FANCC: variants seen among roughly 807,000 people sequenced by gnomAD.
FANCC encodes the protein Fanconi anemia group C protein.
Under a neutral mutation model 71.3 loss-of-function variants are expected in FANCC, and 55 were observed. The observed-to-expected ratio is 0.77, with a 90% CI of 0.62 to 0.97. The LOEUF (loss-of-function observed/expected upper bound fraction) is 0.97, where lower values mean the gene tolerates loss of function less well. Among genes scored for constraint, FANCC ranks in the 50% least tolerant of loss-of-function variants. FANCC has a pLI of 0.00. For missense variants in FANCC, 678 were observed against 670.9 expected (o/e 1.01, Z -0.12); for synonymous variants, 275 against 244.9 (o/e 1.12, Z -1.15).
At chr9:95,232,644 C>G (rs1160251943) in intron 4 of FANCC, among the ~76,000 whole-genome samples, 3 of 152,104 alleles carry the variant, frequency 2.0e-5, no homozygotes, top group Non-Finnish European at 4.4e-5. Context: ...AATGTTATCT[C>G]AAAACACTCC....
In FANCC at chr9:95,125,197, A is replaced by G. The variant is rs987671985; in HGVS notation, c.897-12T>C. The stretch of plus-strand genomic sequence containing the variant: ...CCAGGAGTGCACACCTGAACAATGC[A>G]AAGTCAGATCAGAACACGTTTAACA... On this transcript the variant is annotated splice_polypyrimidine_tract_variant and intron_variant, in intron 9 of 14. Transcript: ENST00000289081. 6 of 1,607,010 alleles carry G rather than the reference A, an allele frequency of 3.7e-6. No homozygotes were observed. Among genetic ancestry groups the G allele is most frequent in the Non-Finnish European group, 4.3e-6 (5 of 1,173,574 alleles).
chr9:95,230,336 G>T (rs1033716811), intron 4 of FANCC, among the ~76,000 whole-genome samples: 10 of 152,170 alleles, frequency 6.6e-5, no homozygotes, highest in African/African-American at 2.4e-4. Flanking sequence ...GTTCCTTTCA[G>T]GGGTGAGATA....
chr9:95,188,700 CTT>C (rs1037174158), intron 4 of FANCC, among the ~76,000 whole-genome samples: 7 of 152,166 alleles, frequency 4.6e-5, no homozygotes, highest in East Asian at 1.9e-4. Context: ...TAACTTCTCT[CTT>C]TGTTTCCCAC....
intron 1 of FANCC, among the ~76,000 whole-genome samples, chr9:95,274,130 C>T (rs1342894759): frequency 6.6e-6 from 1 of 152,012 alleles, no homozygotes; most frequent in Non-Finnish European, 1.5e-5. Context: ...ACCGATCAAC[C>T]CGTCATCTAC....
chr9:95,234,893 G>A (rs1160093396), intron 4 of FANCC, among the ~76,000 whole-genome samples: 1 of 152,214 alleles, frequency 6.6e-6, no homozygotes, highest in African/African-American at 2.4e-5. Context: ...AAGCTTTCAG[G>A]CAGGAGGACT....
At chr9:95,124,165 G>A (rs1342271460) in intron 10 of FANCC, among the ~76,000 whole-genome samples, 1 of 146,448 alleles carries the variant, frequency 6.8e-6, no homozygotes, top group African/African-American at 2.5e-5. Context: ...AGATCTATTT[G>A]ACGTTGGCGG....
intron 4 of FANCC, among the ~76,000 whole-genome samples, chr9:95,174,841 G>A (rs760110456): frequency 6.6e-6 from 1 of 152,018 alleles, no homozygotes; most frequent in African/African-American, 2.4e-5. Flanking sequence ...GACCCGGGAC[G>A]ACAAGCACGT....
At chr9:95,298,971 G>T (rs1030330351) in intron 1 of FANCC, among the ~76,000 whole-genome samples, 5 of 152,146 alleles carry the variant, frequency 3.3e-5, no homozygotes, top group Non-Finnish European at 7.4e-5. Flanking sequence ...CTACTTTTTG[G>T]TTGCAGGCTT....
chr9:95,260,690 A>AT (rs1831985764), intron 1 of FANCC, among the ~76,000 whole-genome samples: 1 of 151,528 alleles, frequency 6.6e-6, no homozygotes, highest in African/African-American at 2.4e-5. Context: ...AAAATATAAA[A>AT]AAAAAAAAAA....
At chr9:95,177,953 G>A (rs1427998838) in intron 4 of FANCC, among the ~76,000 whole-genome samples, 1 of 152,174 alleles carries the variant, frequency 6.6e-6, no homozygotes, top group Non-Finnish European at 1.5e-5. Flanking sequence ...GGGGATCGGG[G>A]AGCCGTTCAG....
At chr9:95,138,015 A>G (rs79536586) in intron 7 of FANCC, among the ~76,000 whole-genome samples, 3,497 of 152,358 alleles carry the variant, frequency 0.023, 135 homozygotes, top group African/African-American at 0.08. Context: ...TGCTCCTGAA[A>G]GGCTGCCAAC....
intron 4 of FANCC, among the ~76,000 whole-genome samples, chr9:95,195,202 A>C (rs1010338121): frequency 6.8e-6 from 1 of 146,960 alleles, no homozygotes; most frequent in Non-Finnish European, 1.5e-5. Flanking sequence ...GTCTCAAAAA[A>C]AAAAAAAAAA....
At chr9:95,159,276 T>C (rs1167418428) in intron 6 of FANCC, among the ~76,000 whole-genome samples, 1 of 152,120 alleles carries the variant, frequency 6.6e-6, no homozygotes, top group Non-Finnish European at 1.5e-5. Context: ...AGTGAGAACA[T>C]GTGGTGTTTG....
In FANCC at chr9:95,125,083, A is replaced by C; in HGVS notation, c.996+3T>G. On this transcript the variant is annotated splice_donor_region_variant and intron_variant, in intron 10 of 14. Transcript: ENST00000289081. ...AATGAGTAATATATGTGATATAACA[A>C]ACCTGCTTGCTTGCTTTCTCCAGAG... is the stretch of plus-strand genomic sequence containing the variant. 6.2e-7 allele frequency: 1 copy of C among 1,613,448 alleles called. No individual in the cohort carries two copies. Among genetic ancestry groups the C allele is most frequent in the Non-Finnish European group, 8.5e-7 (1 of 1,179,354 alleles).
At chr9:95,246,302 C>T (rs749885441) in intron 3 of FANCC, among the ~76,000 whole-genome samples, 2 of 152,148 alleles carry the variant, frequency 1.3e-5, no homozygotes, top group East Asian at 1.9e-4. Flanking sequence ...AGTGTGTGGG[C>T]GTCCACGCAC....
In FANCC at chr9:95,135,356, T is replaced by A; in HGVS notation, c.833A>T (p.Asp278Val). Residue 278 changes from aspartate (D) to valine (V), a missense_variant, in exon 8 of 15, where the codon GAT (aspartate) becomes GTT (valine). Transcript: ENST00000289081. The stretch of plus-strand genomic sequence containing the variant: ...AAACCCAGTACGTACCAGCGATGAA[T>A]CTTTTATAAAGCATTCGATCCTTCT... Reference protein sequence around the residue: ...CLRRIECFIKDSSLPQAACHP... With the variant: ...CLRRIECFIKVSSLPQAACHP... The A allele has an allele frequency of 6.2e-7, 1 of 1,614,046 alleles. No individual in the cohort carries two copies. Among genetic ancestry groups the A allele is most frequent in the Non-Finnish European group, 8.5e-7 (1 of 1,179,998 alleles).
chr9:95,278,761 T>C (rs1008357541), intron 1 of FANCC, among the ~76,000 whole-genome samples: 2 of 152,166 alleles, frequency 1.3e-5, no homozygotes, highest in South Asian at 2.1e-4. Context: ...AAAAATCATA[T>C]GTATAGGAGT....
chr9:95,273,940 G>C (rs1832886825), intron 1 of FANCC, among the ~76,000 whole-genome samples: 1 of 152,152 alleles, frequency 6.6e-6, no homozygotes, highest in African/African-American at 2.4e-5. Flanking sequence ...TTTAGTTAAG[G>C]CTACCCAGAA....
chr9:95,197,988 CA>C (rs1445562243), intron 4 of FANCC, among the ~76,000 whole-genome samples: 2 of 152,118 alleles, frequency 1.3e-5, no homozygotes, highest in African/African-American at 4.8e-5. Context: ...TTGATCTCAT[CA>C]GGGGAGAAGG....
Sources: allele counts gnomAD v4.1 joint callset (sites outside exome capture counted in the v4.1 genomes callset), GRCh38; gene constraint gnomAD v4.1.1; transcripts MANE v1.5; gene names NCBI Gene and HGNC (gene_info 2026-07-23, HGNC 2026-07-21).